The following AVEN variants were observed in gnomAD, a reference collection of about 807,000 sequenced individuals.
The protein encoded by AVEN is apoptosis and caspase activation inhibitor, also known as cell death regulator Aven.
A neutral mutation model predicts 38.1 loss-of-function variants in AVEN; 41 were observed. The ratio of observed to expected loss-of-function variants is 1.08; its 90% CI spans 0.84 to 1.40. The LOEUF is 1.40. Ranked by LOEUF, AVEN falls within the 40% of genes most tolerant of loss-of-function variation. The pLI, the probability that AVEN is intolerant of heterozygous loss-of-function variation, is 0.00. For missense variants in AVEN, 605 were observed against 438.8 expected (o/e 1.38, Z -3.38); for synonymous variants, 206 against 171.8 (o/e 1.20, Z -1.56).
At chr15:33,903,319 T>C (rs1892562508) in intron 2 of AVEN, among the ~76,000 whole-genome samples, 1 of 152,328 alleles carries the variant, frequency 6.6e-6, no homozygotes, top group South Asian at 2.1e-4. Flanking sequence ...CAAATTGCAG[T>C]GCTCATGTGT....
At chr15:33,906,064 A>T (rs780536667) in intron 2 of AVEN, among the ~76,000 whole-genome samples, 3 of 152,116 alleles carry the variant, frequency 2.0e-5, no homozygotes, top group Non-Finnish European at 4.4e-5. Context: ...TATTAACATC[A>T]TTGCCCTACT....
chr15:34,046,915 A>G (rs1268687147), intron 5 of AVEN: 1 of 152,438 alleles, frequency 6.6e-6, no homozygotes. Flanking sequence ...CATTTCTCCC[A>G]CAGGTCTTTG....
chr15:33,853,556 T>C, the AVEN span: 1 of 1,613,624 alleles, frequency 6.2e-7, no homozygotes, highest in South Asian at 1.1e-5. Flanking sequence ...TTGCTTCAGG[T>C]GATCAACAAG....
chr15:34,026,035 C>T (rs1013116392), intron 1 of AVEN, among the ~76,000 whole-genome samples: 3 of 152,100 alleles, frequency 2.0e-5, no homozygotes, highest in Non-Finnish European at 4.4e-5. Context: ...TGATAATACA[C>T]AACAGTAAAA....
chr15:33,910,133 C>CA lies in AVEN; in HGVS notation c.446-34139dup, dbSNP rs11313496. On this transcript the variant is annotated intron_variant, in intron 2 of 5. Coordinates refer to ENST00000306730, the MANE Select transcript of AVEN (RefSeq NM_020371.3). ...TGGGTGACAGAGCGAGACTCCATCT[C>CA]AAAAAAAAAAAAAAAAAATTGCTTA... 4.9e-3 allele frequency among the ~76,000 whole-genome samples: 611 copies of CA among 123,940 alleles called. 2 individuals carry two copies. The highest frequency in any genetic ancestry group is 6.8e-3 in the Non-Finnish European group (399 of 58,424). 81.3% of individuals were successfully genotyped at this position (123,940 alleles called of 152,430 possible). A position where few individuals can be genotyped will look rare whatever the true frequency, so the allele number is the denominator to read the frequency against.
At chr15:33,888,110 G>GA (rs565218920) in intron 2 of AVEN, among the ~76,000 whole-genome samples, 3 of 151,794 alleles carry the variant, frequency 2.0e-5, no homozygotes, top group Middle Eastern at 6.8e-3. Flanking sequence ...AGACCTATAT[G>GA]AAAAAAAATA....
chr15:33,955,207 A>G (rs1466745158), intron 2 of AVEN, among the ~76,000 whole-genome samples: 1 of 152,008 alleles, frequency 6.6e-6, no homozygotes, highest in African/African-American at 2.4e-5. Context: ...TTTTCCCTTA[A>G]TCTTTTGTCT....
At chr15:33,905,627 C>T (rs1892670338) in intron 2 of AVEN, among the ~76,000 whole-genome samples, 1 of 152,130 alleles carries the variant, frequency 6.6e-6, no homozygotes, top group African/African-American at 2.4e-5. Context: ...GAGTTTATAT[C>T]AGCCTGGGAA....
intron 1 of AVEN, among the ~76,000 whole-genome samples, chr15:34,026,902 C>T (rs935557499): frequency 2.0e-5 from 3 of 152,034 alleles, no homozygotes; most frequent in Admixed American, 1.3e-4. Flanking sequence ...CTGTGGCCTA[C>T]GTATAATAGA....
intron 2 of AVEN, 32 bp downstream of exon 2, chr15:34,003,000 C>G (rs991093988): frequency 3.2e-6 from 5 of 1,573,000 alleles, no homozygotes; most frequent in Non-Finnish European, 4.3e-6. Flanking sequence ...TTTCAGAGCA[C>G]TAAACAGTAT....
chr15:33,977,246 T>G (rs1347322670), intron 2 of AVEN, among the ~76,000 whole-genome samples: 1 of 152,044 alleles, frequency 6.6e-6, no homozygotes, highest in Admixed American at 6.5e-5. Context: ...GAAGCTTGCC[T>G]TTAGGATAAC....
chr15:33,856,725 C>G (rs2079707456), downstream of AVEN: 1 of 152,992 alleles, frequency 6.5e-6, no homozygotes, highest in Non-Finnish European at 1.5e-5. Flanking sequence ...GTGGCGCGAT[C>G]TCAGCTTACT....
rs372901279 is a variant in AVEN at position 34,063,133 on chromosome 15, G to T, written n.1426C>A. 6 of 1,613,926 alleles carry T rather than the reference G, an allele frequency of 3.7e-6. No homozygotes were observed. The African/African-American group carries it at 8.0e-5, about 22-fold the overall frequency. ...TCCATCACAAGACCCTTGACATATC[G>T]GGCCAAGCGTACTCCGAAAAGGGCT... On this transcript the variant is annotated non_coding_transcript_exon_variant, in exon 5 of 12. Transcript: ENST00000675287. This position sits in a 1 kb window ranked among gnomAD's most constrained non-coding sequence, Gnocchi z 4.1.
chr15:34,002,190 G>GT (rs1178421071), intron 2 of AVEN, among the ~76,000 whole-genome samples: 39 of 152,056 alleles, frequency 2.6e-4, no homozygotes, highest in African/African-American at 8.5e-4. Context: ...TTGTGCACAC[G>GT]TGTGTATATT....
At position 33,996,363 on chromosome 15, in the gene AVEN, G is replaced by A. The variant is rs531868409; in HGVS notation, c.445+6669C>T. 1.8e-4 allele frequency among the ~76,000 whole-genome samples: 28 copies of A among 152,266 alleles called. 1 individual carries two copies. The South Asian group carries it at 4.4e-3, about 24-fold the overall frequency. On this transcript the variant is annotated intron_variant, in intron 2 of 5. Transcript: ENST00000306730. The stretch of plus-strand genomic sequence containing the variant: ...GCACAGTGTTTGAGTTCTGAGAACC[G>A]ACAGACTGCCTCCTCAAGTGGGTCC...
At chr15:33,858,820 G>C (rs2080010103) in exon 12 of AVEN, 1 of 152,258 alleles carries the variant, frequency 6.6e-6, no homozygotes, top group South Asian at 2.1e-4. Context: ...CTCAGGGACA[G>C]GGGACAGTGA....
intron 2 of AVEN, among the ~76,000 whole-genome samples, chr15:33,943,009 T>C (rs1165844099): frequency 2.0e-5 from 3 of 152,214 alleles, no homozygotes; most frequent in Non-Finnish European, 4.4e-5. Flanking sequence ...GCACTGTTAC[T>C]GGGGCTGTAA....
downstream of AVEN, among the ~76,000 whole-genome samples, chr15:33,861,531 T>G (rs143325011): frequency 4.8e-3 from 732 of 152,196 alleles, 7 homozygotes; most frequent in African/African-American, 0.017. Flanking sequence ...CCACTTTTAC[T>G]TCCAACTATT....
intron 2 of AVEN, among the ~76,000 whole-genome samples, chr15:33,924,293 C>G (rs1195448679): frequency 6.6e-6 from 1 of 151,854 alleles, no homozygotes; most frequent in Non-Finnish European, 1.5e-5. Flanking sequence ...TCATTTGAAC[C>G]CCGGAGGTGG....
Sources: allele counts gnomAD v4.1 joint callset (sites outside exome capture counted in the v4.1 genomes callset), GRCh38; gene constraint gnomAD v4.1.1; non-coding constraint Gnocchi (gnomAD v3.1); transcripts MANE v1.5; gene names NCBI Gene and HGNC (gene_info 2026-07-23, HGNC 2026-07-21).